Variants in CPQ observed in about 807,000 individuals in gnomAD.
CPQ encodes the protein carboxypeptidase Q, also known as Ser-Met dipeptidase.
Under a neutral mutation model 45.7 loss-of-function variants are expected in CPQ, and 37 were observed. The ratio of observed to expected loss-of-function variants is 0.81; its 90% CI spans 0.62 to 1.07. The LOEUF is 1.07. Ranked by LOEUF, CPQ falls within the 50% of genes least tolerant of loss-of-function variation. CPQ has a pLI of 0.00. For synonymous variants in CPQ, 186 were observed against 205.8 expected (o/e 0.90, Z 0.82); for missense variants, 537 against 572.9 (o/e 0.94, Z 0.64).
intron 4 of CPQ, among the ~76,000 whole-genome samples, chr8:96,908,694 G>A (rs570812738): frequency 2.6e-5 from 4 of 151,372 alleles, no homozygotes; most frequent in Admixed American, 6.6e-5. Flanking sequence ...ATTGAAGTTT[G>A]CCTTACTGGA....
At chr8:97,088,502 A>T (rs973751999) in intron 7 of CPQ, among the ~76,000 whole-genome samples, 2 of 152,242 alleles carry the variant, frequency 1.3e-5, no homozygotes, top group African/African-American at 4.8e-5. Context: ...CTAGAATGGC[A>T]TTTTAAAAAC....
chr8:96,888,923 A>G (rs1021613049), intron 4 of CPQ, among the ~76,000 whole-genome samples: 1 of 152,234 alleles, frequency 6.6e-6, no homozygotes, highest in Non-Finnish European at 1.5e-5. Flanking sequence ...CTAAGGTTAT[A>G]GCAATAGCAT....
intron 5 of CPQ, among the ~76,000 whole-genome samples, chr8:96,978,134 T>C (rs945690045): frequency 5.3e-5 from 8 of 152,214 alleles, no homozygotes; most frequent in African/African-American, 1.2e-4. Flanking sequence ...CGGCAACTTA[T>C]GTTAGTGAAT....
intron 5 of CPQ, among the ~76,000 whole-genome samples, chr8:96,974,574 C>T (rs1335608015): frequency 6.6e-6 from 1 of 152,120 alleles, no homozygotes; most frequent in Non-Finnish European, 1.5e-5. Flanking sequence ...ACATTCTATT[C>T]ATCAGCACAT....
At chr8:96,741,007 T>C (rs919264863) in intron 1 of CPQ, among the ~76,000 whole-genome samples, 2 of 152,194 alleles carry the variant, frequency 1.3e-5, no homozygotes, top group Non-Finnish European at 2.9e-5. Context: ...TTAGGAAGGA[T>C]TCCCTCTTTT....
At chr8:96,735,057 C>T (rs575647482) in intron 1 of CPQ, among the ~76,000 whole-genome samples, 100 of 152,270 alleles carry the variant, frequency 6.6e-4, no homozygotes, top group African/African-American at 2.2e-3. Context: ...AACACCTTCT[C>T]TAACTTCCTT....
intron 7 of CPQ, among the ~76,000 whole-genome samples, chr8:97,081,995 C>T (rs550652878): frequency 5.3e-5 from 8 of 152,238 alleles, no homozygotes; most frequent in African/African-American, 1.9e-4. Context: ...ACTTAATAAG[C>T]CACTTTTATT....
intron 1 of CPQ, among the ~76,000 whole-genome samples, chr8:96,697,794 C>G (rs543569165): frequency 1.1e-4 from 16 of 152,028 alleles, no homozygotes; most frequent in African/African-American, 2.9e-4. Context: ...TAGGAATTAA[C>G]CAAACAAGTG....
intron 1 of CPQ, among the ~76,000 whole-genome samples, chr8:96,750,573 T>C (rs895616776): frequency 2.0e-5 from 3 of 151,906 alleles, no homozygotes; most frequent in Non-Finnish European, 4.4e-5. Context: ...TGATTTTTGA[T>C]TCCTGAGATC....
chr8:96,737,355 G>GATATATATAT lies in CPQ; in HGVS notation c.-34-47504_-34-47495dup, dbSNP rs372241683. On this transcript the variant is annotated intron_variant, in intron 1 of 7. Coordinates refer to ENST00000220763, the MANE Select transcript of CPQ (RefSeq NM_016134.4). ...ACACACTCACACAGAACTAATAGGAGATATATATATATATGAGTTTATTAA... is the reference window on the plus strand; with the variant it reads ...ACACACTCACACAGAACTAATAGGAGATATATATATATATATATATATATGAGTTTATTAA... Among the ~76,000 whole-genome samples, 48 of 118,010 alleles carry GATATATATAT rather than the reference G, an allele frequency of 4.1e-4. 1 individual carries two copies. The highest frequency in any genetic ancestry group is 1.4e-3 in the South Asian group (5 of 3,628). The allele number at this position is 118,010 out of a possible 152,430, so 77.4% of individuals were successfully genotyped here.
intron 5 of CPQ, among the ~76,000 whole-genome samples, chr8:96,975,942 C>A (rs1405280453): frequency 1.3e-5 from 2 of 151,962 alleles, no homozygotes; most frequent in African/African-American, 4.8e-5. Flanking sequence ...ACAAGGATTC[C>A]CATTTTCACC....
chr8:96,802,990 TACACAC>T lies in CPQ; in HGVS notation c.433+17686_433+17691del, dbSNP rs71569185. On this transcript the variant is annotated intron_variant, in intron 2 of 7. Coordinates refer to ENST00000220763, the MANE Select transcript of CPQ (RefSeq NM_016134.4). ...AAGGTTCTCAAAAGAAACAGAAGCA[TACACAC>T]ACACACACACACACACACACACACA... Among the ~76,000 whole-genome samples, 316 of 144,016 alleles carry T rather than the reference TACACAC, an allele frequency of 2.2e-3. 2 individuals are homozygous for T. Among genetic ancestry groups the T allele is most frequent in the African/African-American group, 6.8e-3 (271 of 39,594 alleles). The allele number at this position is 144,016 out of a possible 152,430, so 94.5% of individuals were successfully genotyped here.
intron 6 of CPQ, among the ~76,000 whole-genome samples, chr8:97,047,978 A>G (rs1356262245): frequency 6.6e-6 from 1 of 152,140 alleles, no homozygotes; most frequent in Non-Finnish European, 1.5e-5. Context: ...ATGTGTATAG[A>G]GCTTAGACAC....
At chr8:96,689,384 G>T (rs1261764646) in intron 1 of CPQ, among the ~76,000 whole-genome samples, 2 of 152,138 alleles carry the variant, frequency 1.3e-5, no homozygotes, top group East Asian at 1.9e-4. Flanking sequence ...ACATGTCAAG[G>T]CTTCTAACCT....
intron 7 of CPQ, 41 bp from the exon 8 acceptor site, chr8:97,142,979 T>C (rs1812192599): frequency 1.9e-6 from 3 of 1,602,956 alleles, no homozygotes; most frequent in Non-Finnish European, 2.6e-6. Context: ...GCAGTGTCTG[T>C]CAAAATACTC....
intron 1 of CPQ, among the ~76,000 whole-genome samples, chr8:96,717,942 T>C (rs569988417): frequency 6.6e-6 from 1 of 152,294 alleles, no homozygotes; most frequent in South Asian, 2.1e-4. Context: ...CCTATGCACT[T>C]GGCAAGGCTG....
chr8:96,852,373 A>G (rs1398053586), intron 3 of CPQ, among the ~76,000 whole-genome samples: 3 of 152,200 alleles, frequency 2.0e-5, no homozygotes, highest in South Asian at 4.1e-4. Context: ...GAGTGAAGGT[A>G]GTTTGTACTA....
At chr8:96,922,011 C>A (rs1339350582) in intron 4 of CPQ, among the ~76,000 whole-genome samples, 1 of 151,810 alleles carries the variant, frequency 6.6e-6, no homozygotes, top group East Asian at 1.9e-4. Flanking sequence ...ATTATTTCAC[C>A]AAAAATTTTA....
In CPQ at chr8:96,684,914, A is replaced by G. The variant is rs184215367; in HGVS notation, c.-35+39512A>G. Among the ~76,000 whole-genome samples, 1,398 of 152,018 alleles carry G rather than the reference A, an allele frequency of 9.2e-3. 14 individuals are homozygous for G. Among genetic ancestry groups the G allele is most frequent in the South Asian group, 0.031 (151 of 4,808 alleles). On this transcript the variant is annotated intron_variant, in intron 1 of 7. Coordinates refer to ENST00000220763, the MANE Select transcript of CPQ (RefSeq NM_016134.4). Reference sequence around the variant, plus strand: ...GGAGTTCGAGACCAGCCTGGTCAACATGGTAAAACTCCATCTCTACTAAAA... The same window carrying G: ...GGAGTTCGAGACCAGCCTGGTCAACGTGGTAAAACTCCATCTCTACTAAAA...
Sources: allele counts gnomAD v4.1 joint callset (sites outside exome capture counted in the v4.1 genomes callset), GRCh38; gene constraint gnomAD v4.1.1; transcripts MANE v1.5; gene names NCBI Gene and HGNC (gene_info 2026-07-23, HGNC 2026-07-21).